The following MRTFB variants were observed in gnomAD, a reference collection of about 807,000 sequenced individuals.
MRTFB encodes the protein myocardin related transcription factor B.
A neutral mutation model predicts 104.2 loss-of-function variants in MRTFB; 29 were observed. That is an observed-to-expected ratio of 0.28 (90% CI 0.21 to 0.38). MRTFB has a LOEUF of 0.38. Among genes scored for constraint, MRTFB ranks in the 10% least tolerant of loss-of-function variants. The pLI, the probability that MRTFB is intolerant of heterozygous loss-of-function variation, is 1.00. For synonymous variants in MRTFB, 535 were observed against 519.5 expected, an observed-to-expected ratio of 1.03 and a Z score of -0.41; for missense variants, 1,270 against 1,341.6, an observed-to-expected ratio of 0.95 and a Z score of 0.83.
chr16:14,208,747 G>A (rs191686405), intron 3 of MRTFB, among the ~76,000 whole-genome samples: 23 of 152,258 alleles, frequency 1.5e-4, no homozygotes, highest in Middle Eastern at 3.4e-3. Context: ...TTTGTTCTTA[G>A]TAAAGTACAG....
the MRTFB span, among the ~76,000 whole-genome samples, chr16:14,022,489 T>C: frequency 1.3e-5 from 2 of 152,174 alleles, no homozygotes; most frequent in Non-Finnish European, 2.9e-5. Flanking sequence ...TTCCGCCTCC[T>C]GGGTTCAAGT....
chr16:14,235,132 G>T (rs2042438831), intron 9 of MRTFB, among the ~76,000 whole-genome samples: 1 of 152,196 alleles, frequency 6.6e-6, no homozygotes, highest in African/African-American at 2.4e-5. Context: ...ACCTGTTGCA[G>T]AACTCTTCTG....
the MRTFB span, among the ~76,000 whole-genome samples, chr16:14,039,760 CTTTT>C: frequency 8.2e-6 from 1 of 121,940 alleles, no homozygotes. Context: ...ATAATATGTT[CTTTT>C]TTTTTTTTTT....
the MRTFB span, among the ~76,000 whole-genome samples, chr16:14,023,606 C>CATATACATATACATATACATAT: frequency 4.0e-4 from 16 of 39,592 alleles, no homozygotes; most frequent in African/African-American, 1.6e-3. Context: ...CACACACACA[C>CATATACATATACATATACATAT]ACACATACAT....
At chr16:14,211,997 C>T (rs78704257) in intron 4 of MRTFB, among the ~76,000 whole-genome samples, 15 of 152,244 alleles carry the variant, frequency 9.9e-5, no homozygotes, top group African/African-American at 3.1e-4. Context: ...CAAGGACATA[C>T]GGACTTTTTC....
chr16:14,133,859 T>C (rs1484081734), intron 2 of MRTFB, among the ~76,000 whole-genome samples: 1 of 152,196 alleles, frequency 6.6e-6, no homozygotes, highest in Non-Finnish European at 1.5e-5. Context: ...ATTCATTCAT[T>C]ATGAATACAC....
At chr16:14,181,147 T>G (rs558879505) in intron 3 of MRTFB, among the ~76,000 whole-genome samples, 1 of 152,312 alleles carries the variant, frequency 6.6e-6, no homozygotes, top group South Asian at 2.1e-4. Context: ...TTTAAAGACA[T>G]GCTATCTGAT....
At chr16:14,120,979 G>C (rs1227238167) in intron 2 of MRTFB, among the ~76,000 whole-genome samples, 1 of 152,120 alleles carries the variant, frequency 6.6e-6, no homozygotes, top group African/African-American at 2.4e-5. Flanking sequence ...GAAGTTATTT[G>C]TGCATTCCAC....
At chr16:14,067,384 G>A (rs1469177324), upstream of MRTFB, among the ~76,000 whole-genome samples, 1 of 151,778 alleles carries the variant, frequency 6.6e-6, no homozygotes, top group African/African-American at 2.4e-5. Flanking sequence ...CACCACACCT[G>A]ACTAATTTTT....
chr16:14,007,264 GA>G, the MRTFB span, among the ~76,000 whole-genome samples: 7 of 152,054 alleles, frequency 4.6e-5, no homozygotes, highest in Admixed American at 1.3e-4. Flanking sequence ...TGTCTCTATA[GA>G]AAGGAAGTGT....
At chr16:14,085,491 C>T (rs1379221723) in intron 2 of MRTFB, among the ~76,000 whole-genome samples, 1 of 142,416 alleles carries the variant, frequency 7.0e-6, no homozygotes, top group Non-Finnish European at 1.5e-5. Flanking sequence ...AAGGAAAATA[C>T]AGCATTTAAT....
chr16:14,143,321 A>G (rs1164340333), intron 3 of MRTFB: 2 of 152,070 alleles, frequency 1.3e-5, no homozygotes, highest in African/African-American at 4.8e-5. Context: ...TTATTGACCA[A>G]TTGGGTTTAA....
the MRTFB span, among the ~76,000 whole-genome samples, chr16:14,017,665 ATT>A: frequency 5.9e-5 from 1 of 16,916 alleles, no homozygotes; most frequent in Non-Finnish European, 1.2e-4. Context: ...GTGTGTGTGT[ATT>A]TGTGTGTGTG....
At chr16:14,175,443 A>AT (rs1284693431) in intron 3 of MRTFB, among the ~76,000 whole-genome samples, 1 of 152,142 alleles carries the variant, frequency 6.6e-6, no homozygotes, top group East Asian at 1.9e-4. Context: ...TATGTAATTC[A>AT]TTTTTATTTC....
chr16:14,073,370 A>C (rs2033849658), intron 1 of MRTFB, among the ~76,000 whole-genome samples: 1 of 152,244 alleles, frequency 6.6e-6, no homozygotes, highest in Admixed American at 6.5e-5. Context: ...CCTTGGGGGC[A>C]GTTCCAGCTC....
At chr16:14,114,963 G>T (rs1345063417) in intron 2 of MRTFB, among the ~76,000 whole-genome samples, 1 of 152,128 alleles carries the variant, frequency 6.6e-6, no homozygotes, top group African/African-American at 2.4e-5. Context: ...GGTATTTTTT[G>T]AATGAAAGGA....
At chr16:14,135,731 A>G (rs529099429) in intron 2 of MRTFB, among the ~76,000 whole-genome samples, 4 of 152,138 alleles carry the variant, frequency 2.6e-5, no homozygotes, top group Non-Finnish European at 5.9e-5. Flanking sequence ...TACAAAATCA[A>G]TCATATCACT....
At position 14,261,101 on chromosome 16, in the gene MRTFB, T is replaced by TGGA. The variant is rs2043759888; in HGVS notation, c.2958_2960dup (p.Leu986_Asp987insGlu). The TGGA allele has an allele frequency of 3.1e-6, 5 of 1,614,198 alleles. No homozygotes were observed. Among genetic ancestry groups the TGGA allele is most frequent in the Middle Eastern group, 1.6e-4 (1 of 6,062 alleles). On this transcript the variant is annotated inframe_insertion, in exon 17 of 17. Coordinates refer to ENST00000571589, the MANE Select transcript of MRTFB (RefSeq NM_001308142.2). ...TTAGAGAACCAACTAGAAGCTTTCT[T>TGGA]GGATGGAACTTTACCCTCAGCCAAT...
intron 10 of MRTFB, among the ~76,000 whole-genome samples, chr16:14,243,929 G>A (rs937079691): frequency 2.9e-4 from 43 of 148,138 alleles, no homozygotes; most frequent in African/African-American, 7.7e-4. Flanking sequence ...GTGCAATCTC[G>A]GCTCACTGCA....
Sources: gnomAD v4.1 joint callset for allele counts (sites outside exome capture counted in the v4.1 genomes callset) on GRCh38, gnomAD v4.1.1 for gene constraint, MANE v1.5 for transcripts, NCBI Gene and HGNC (gene_info 2026-07-23, HGNC 2026-07-21) for gene names.